DNAH10: variants seen among roughly 807,000 people sequenced by gnomAD.
DNAH10 encodes dynein axonemal heavy chain 10, also known as axonemal beta dynein heavy chain 10.
In DNAH10, 348 loss-of-function variants were observed where a neutral mutation model predicts 506.6. The observed-to-expected ratio is 0.69, with a 90% CI of 0.63 to 0.75. The LOEUF (loss-of-function observed/expected upper bound fraction) is 0.75, where lower values mean the gene tolerates loss of function less well. Among genes scored for constraint, DNAH10 ranks in the 30% least tolerant of loss-of-function variants. DNAH10 has a pLI of 0.00. For missense variants in DNAH10, 5,179 were observed against 5,787.1 expected (o/e 0.89, Z 3.41); for synonymous variants, 2,059 against 2,198.6 (o/e 0.94, Z 1.78).
Position 123,928,350 on chromosome 12 carries a change from T to C in DNAH10, c.12106-37T>C. The C allele has an allele frequency of 1.3e-6, 2 of 1,551,794 alleles. No individual in the cohort carries two copies. The highest frequency in any genetic ancestry group is 2.4e-5 in the South Asian group (2 of 84,180). On this transcript the variant is annotated intron_variant, in intron 69 of 78. Transcript: ENST00000673944. This position sits in a 1 kb window ranked among gnomAD's most constrained non-coding sequence, Gnocchi z 4.9. ...TGGAGAGCACGGGGTTGGGTTTGGA[T>C]GCCAACCCCTCTCCTCTTCCCTCTC... is the stretch of plus-strand genomic sequence containing the variant.
At position 123,919,207 on chromosome 12, in the gene DNAH10, C is replaced by T. The variant is rs1266534055; in HGVS notation, c.11506+258C>T. Among the ~76,000 whole-genome samples the T allele has an allele frequency of 6.6e-6, 1 of 152,176 alleles. No homozygotes were observed. Among genetic ancestry groups the T allele is most frequent in the African/African-American group, 2.4e-5 (1 of 41,488 alleles). ...CCTCCTACCTCAGCCTCCAGAGTAG[C>T]TGGGACTAAAGGCACGCCACCACAC... On this transcript the variant is annotated intron_variant, in intron 65 of 78. Coordinates refer to ENST00000673944, the MANE Select transcript of DNAH10 (RefSeq NM_001372106.1). The surrounding 1 kb of genome is among the most constrained non-coding windows in gnomAD (Gnocchi z 4.9).
In DNAH10 at chr12:123,805,032, C is replaced by T; in HGVS notation, c.2979C>T (p.Leu993=). Residue 993 remains leucine, a synonymous_variant, in exon 18 of 79, where the codon CTC becomes CTT. Coordinates refer to ENST00000673944, the MANE Select transcript of DNAH10 (RefSeq NM_001372106.1). The stretch of plus-strand genomic sequence containing the variant: ...AAATTTATGAGGTCCTGACAAAGCT[C>T]ATCCTGAAGTAAGTTCATCTTGTTG... ...EKKIYEVLTK[L]ILKNLQSFNS... 6.2e-7 allele frequency: 1 copy of T among 1,614,116 alleles called. No individual in the cohort carries two copies. The highest frequency in any genetic ancestry group is 2.2e-5 in the East Asian group (1 of 44,890).
In DNAH10 at chr12:123,887,241, A is replaced by C. The variant is rs1952775943; in HGVS notation, c.8923A>C (p.Ile2975Leu). The change falls in exon 52 of 79, where the codon ATC becomes CTC. Residue 2975 changes from isoleucine to leucine, a missense_variant. Around this residue, in one of 3 missense-constraint regions of DNAH10, gnomAD observed 4,844 missense variants for 5,430.5 expected, o/e 0.89. Transcript: ENST00000673944. ...LKLGIENKAM[I>L]FLFTDAHVAE... ...ACTTGGGATTGAGAACAAAGCGATG[A>C]TCTTTCTGTTCACGGATGCCCATGT... The C allele has an allele frequency of 6.2e-7, 1 of 1,613,860 alleles. No homozygotes were observed. Among genetic ancestry groups the C allele is most frequent in the African/African-American group, 1.3e-5 (1 of 74,932 alleles).
chr12:123,898,053 G>C (rs10846572), intron 55 of DNAH10, 86 bp downstream of exon 55: 321,390 of 1,302,496 alleles, frequency 0.25, 41,801 homozygotes, highest in African/African-American at 0.46. Flanking sequence ...TTAGTAAGAT[G>C]GGGCATCTTC....
chr12:123,916,638 A>C lies in DNAH10; in HGVS notation c.10904A>C (p.Asp3635Ala). The change falls in exon 63 of 79, where the codon GAC (aspartate) becomes GCC (alanine). Residue 3635 changes from aspartate to alanine, a missense_variant. Transcript: ENST00000673944. This position sits in a 1 kb window ranked among gnomAD's most constrained non-coding sequence, Gnocchi z 4.6. ...ATTATCCTGGGAGACAAGGAAGTGG[A>C]CTATGATTCAAATTTCAGACTGTAC... ...QFIILGDKEV[D>A]YDSNFRLYLN... 3 of 1,613,944 alleles carry C rather than the reference A, an allele frequency of 1.9e-6. No homozygotes were observed. The highest frequency in any genetic ancestry group is 2.5e-6 in the Non-Finnish European group (3 of 1,179,874).
chr12:123,796,811 G>A lies in DNAH10; in HGVS notation c.2142G>A (p.Leu714=). The change falls in exon 13 of 79, where the codon CTG becomes CTA. Residue 714 remains leucine (L), a synonymous_variant. Transcript: ENST00000673944. ...ILRFQEVQEI[L]DSDRGQEVKQ... ...GATTTCAAGAGGTACAAGAGATACTGGACAGTGATCGAGGACAGGAGGTAT... is the reference window on the plus strand; with the variant it reads ...GATTTCAAGAGGTACAAGAGATACTAGACAGTGATCGAGGACAGGAGGTAT... The A allele has an allele frequency of 6.2e-7, 1 of 1,611,746 alleles. No homozygotes were observed.
intron 24 of DNAH10, among the ~76,000 whole-genome samples, chr12:123,822,945 C>T (rs1255289817): frequency 6.6e-6 from 1 of 152,204 alleles, no homozygotes; most frequent in Non-Finnish European, 1.5e-5. Context: ...TCATCTCACT[C>T]AGTATCTCTC....
In DNAH10 at chr12:123,925,594, CACTT is replaced by C. The variant is rs1954907991; in HGVS notation, c.11921+393_11921+396del. On this transcript the variant is annotated intron_variant, in intron 68 of 78. Coordinates refer to ENST00000673944, the MANE Select transcript of DNAH10 (RefSeq NM_001372106.1). The surrounding 1 kb of genome is among the most constrained non-coding windows in gnomAD (Gnocchi z 4.0). ...GTCTACAAAATCCTGTGTGAATTCA[CACTT>C]ACAGCACATCTCAATTGGGGCTAGC... The C allele has an allele frequency of 1.1e-5, 2 of 177,398 alleles. No individual in the cohort carries two copies. The highest frequency in any genetic ancestry group is 5.8e-5 in the Admixed American group (1 of 17,184). 11.0% of individuals were successfully genotyped at this position (177,398 alleles called of 1,614,324 possible).
chr12:123,855,838 C>T (rs1235901533), intron 36 of DNAH10, among the ~76,000 whole-genome samples: 10 of 150,994 alleles, frequency 6.6e-5, no homozygotes, highest in Non-Finnish European at 1.5e-4. Context: ...CCAGGACACT[C>T]AGCCTCCTAG....
Position 123,785,654 on chromosome 12 carries a change from A to AT in DNAH10, c.1231-92_1231-91insT. ...TCTCAAGGAAAAAAAAAAAAAAAAA[A>AT]GAGTGAAACTTCTTGCATGCTTACT... On this transcript the variant is annotated intron_variant, in intron 8 of 78. Transcript: ENST00000673944. The surrounding 1 kb of genome is among the most constrained non-coding windows in gnomAD (Gnocchi z 4.1). 5 of 1,034,068 alleles carry AT rather than the reference A, an allele frequency of 4.8e-6. No homozygotes were observed. Among genetic ancestry groups the AT allele is most frequent in the Non-Finnish European group, 6.6e-6 (5 of 760,420 alleles). The allele number at this position is 1,034,068 out of a possible 1,614,324, so 64.1% of individuals were successfully genotyped here. A position where few individuals can be genotyped will look rare whatever the true frequency, so the allele number is the denominator to read the frequency against.
intron 44 of DNAH10, 29 bp downstream of exon 44, chr12:123,870,514 G>A (rs1389988014): frequency 1.2e-6 from 2 of 1,606,418 alleles, no homozygotes; most frequent in African/African-American, 2.7e-5. Flanking sequence ...CTTGTTCCTG[G>A]GTTTAGGAGT....
chr12:123,909,495 C>G lies in DNAH10; in HGVS notation c.9997+53C>G. On this transcript the variant is annotated intron_variant, in intron 58 of 78. Coordinates refer to ENST00000673944, the MANE Select transcript of DNAH10 (RefSeq NM_001372106.1). This position sits in a 1 kb window ranked among gnomAD's most constrained non-coding sequence, Gnocchi z 5.4. ...CAGGGTGGATCTCGGTCTGGCATCT[C>G]AGGCTCTGGGACAGGGATGGAGGGC... The G allele has an allele frequency of 6.7e-7, 1 of 1,492,652 alleles. No homozygotes were observed. Among genetic ancestry groups the G allele is most frequent in the Non-Finnish European group, 9.0e-7 (1 of 1,115,826 alleles). 92.5% of individuals were successfully genotyped at this position (1,492,652 alleles called of 1,614,324 possible).
intron 5 of DNAH10, among the ~76,000 whole-genome samples, chr12:123,780,234 T>C (rs1380108228): frequency 2.7e-5 from 4 of 148,522 alleles, no homozygotes; most frequent in Non-Finnish European, 4.5e-5. Flanking sequence ...TGGTGCGATC[T>C]CGGCTCCCTG....
chr12:123,776,680 T>C (rs1957453094), intron 5 of DNAH10, among the ~76,000 whole-genome samples: 1 of 151,382 alleles, frequency 6.6e-6, no homozygotes, highest in South Asian at 2.1e-4. Context: ...CATCAAAACA[T>C]GATGTATAAT....
At position 123,928,033 on chromosome 12, in the gene DNAH10, G is replaced by A. The variant is rs771045643; in HGVS notation, c.12106-354G>A. On this transcript the variant is annotated intron_variant, in intron 69 of 78. Transcript: ENST00000673944. This position sits in a 1 kb window ranked among gnomAD's most constrained non-coding sequence, Gnocchi z 4.9. Reference sequence around the variant, plus strand: ...ATCTTACAGTGGCCAGGACAGTCCCGACTTCCTGGTGGGCTTTAGCTGGTC... The same window carrying A: ...ATCTTACAGTGGCCAGGACAGTCCCAACTTCCTGGTGGGCTTTAGCTGGTC... 5.1e-5 allele frequency: 18 copies of A among 355,934 alleles called. No homozygotes were observed. Among genetic ancestry groups the A allele is most frequent in the Non-Finnish European group, 6.2e-5 (12 of 194,842 alleles). The allele number at this position is 355,934 out of a possible 1,614,324, so 22.0% of individuals were successfully genotyped here.
rs1420686779 is a variant in DNAH10, at chr12:123,787,965, T to C, written c.1583T>C (p.Met528Thr). ...CGGCTGTTCGAGAGGACGGATTATA[T>C]GGCCACCATCTGCCAGGACCTCTCC... Reference protein sequence around the residue: ...RKRLFERTDYMATICQDLSDV... With the variant: ...RKRLFERTDYTATICQDLSDV... The change falls in exon 10 of 79, where the codon ATG becomes ACG. Residue 528 changes from methionine to threonine, a missense_variant. By Grantham distance (81) the Met-to-Thr change is moderately conservative (BLOSUM62 -1). Coordinates refer to ENST00000673944, the MANE Select transcript of DNAH10 (RefSeq NM_001372106.1). This position sits in a 1 kb window ranked among gnomAD's most constrained non-coding sequence, Gnocchi z 4.6. 6.3e-7 allele frequency: 1 copy of C among 1,588,240 alleles called. No individual in the cohort carries two copies. The highest frequency in any genetic ancestry group is 8.6e-7 in the Non-Finnish European group (1 of 1,167,264).
At chr12:123,805,978 G>A (rs529640078) in intron 18 of DNAH10, among the ~76,000 whole-genome samples, 7 of 152,158 alleles carry the variant, frequency 4.6e-5, no homozygotes, top group South Asian at 4.1e-4. Context: ...GGGTTTCACC[G>A]TGTTAGCCAG....
chr12:123,834,652 C>T (rs2136539571), intron 27 of DNAH10, among the ~76,000 whole-genome samples: 1 of 152,312 alleles, frequency 6.6e-6, no homozygotes, highest in Middle Eastern at 3.4e-3. Context: ...AAAGACAAGC[C>T]AGTACCCCTT....
chr12:123,780,290 C>T (rs1041237214), intron 5 of DNAH10, among the ~76,000 whole-genome samples: 29 of 152,008 alleles, frequency 1.9e-4, no homozygotes, highest in African/African-American at 6.3e-4. Flanking sequence ...CTCAGCCTCC[C>T]GAGTAGCTTG....
Sources: allele counts gnomAD v4.1 joint callset (sites outside exome capture counted in the v4.1 genomes callset), GRCh38; gene constraint gnomAD v4.1.1; regional missense constraint gnomAD v4.1.1; non-coding constraint Gnocchi (gnomAD v3.1); transcripts MANE v1.5; gene names NCBI Gene and HGNC (gene_info 2026-07-23, HGNC 2026-07-21).